Variants in TGFBR1 observed in about 807,000 individuals in gnomAD.
The protein encoded by TGFBR1 is TGF-beta receptor type-1.
A neutral mutation model predicts 55.1 loss-of-function variants in TGFBR1; 20 were observed. That is an observed-to-expected ratio of 0.36 (90% CI 0.26 to 0.53). TGFBR1 has a LOEUF of 0.53. TGFBR1 is among the 20% of genes least tolerant of loss of function. The pLI is 0.91. For synonymous variants in TGFBR1, 220 were observed against 214.8 expected (o/e 1.02, Z -0.21); for missense variants, 385 against 617.6 (o/e 0.62, Z 3.99).
chr9:99,150,761 A>G lies in TGFBR1; in HGVS notation c.*1456A>G, dbSNP rs769029753. ...GTGGTAGCTAAAGAACATTCTGAGT[A>G]TAGGTTTTTCTCCATTTACAGATGT... On this transcript the variant is annotated 3_prime_UTR_variant, in exon 9 of 9. Transcript: ENST00000374994. The G allele has an allele frequency of 2.8e-5, 6 of 215,460 alleles. No homozygotes were observed. The highest frequency in any genetic ancestry group is 1.2e-4 in the Admixed American group (2 of 17,182). The allele number at this position is 215,460 out of a possible 1,614,324, so 13.3% of individuals were successfully genotyped here.
intron 5 of TGFBR1, among the ~76,000 whole-genome samples, chr9:99,143,350 T>G (rs985262634): frequency 5.3e-5 from 8 of 152,238 alleles, no homozygotes; most frequent in Admixed American, 3.3e-4. Flanking sequence ...TTTGTAAACA[T>G]CAACATGCTA....
chr9:99,138,167 C>A, intron 4 of TGFBR1, 78 bp downstream of exon 4: 2 of 1,263,860 alleles, frequency 1.6e-6, no homozygotes, highest in Non-Finnish European at 2.3e-6. Flanking sequence ...GACTAACCAT[C>A]ATCAAAGTAG....
chr9:99,121,214 A>G (rs529458702), intron 1 of TGFBR1, among the ~76,000 whole-genome samples: 4 of 152,182 alleles, frequency 2.6e-5, no homozygotes, highest in Non-Finnish European at 5.9e-5. Flanking sequence ...GGAAAATTTT[A>G]TGTACATTAT....
chr9:99,117,636 C>T (rs1300796928), intron 1 of TGFBR1, among the ~76,000 whole-genome samples: 1 of 152,132 alleles, frequency 6.6e-6, no homozygotes, highest in Non-Finnish European at 1.5e-5. Context: ...CAATCACCTT[C>T]ATCATAAATC....
At chr9:99,122,329 T>G (rs1363466370) in intron 1 of TGFBR1, among the ~76,000 whole-genome samples, 1 of 152,136 alleles carries the variant, frequency 6.6e-6, no homozygotes, top group Non-Finnish European at 1.5e-5. Flanking sequence ...GTTCCATATA[T>G]TAATACTATA....
At chr9:99,138,892 G>GGTTCAAGTGGTTCTCCTGC (rs1457256632) in intron 4 of TGFBR1, among the ~76,000 whole-genome samples, 1 of 151,960 alleles carries the variant, frequency 6.6e-6, no homozygotes, top group Non-Finnish European at 1.5e-5. Flanking sequence ...CTGCCTCCTG[G>GGTTCAAGTGGTTCTCCTGC]GTTCAAGTGG....
At position 99,142,643 on chromosome 9, in the gene TGFBR1, C is replaced by T; in HGVS notation, c.913C>T (p.Leu305Phe). Residue 305 changes from leucine to phenylalanine, a missense_variant, in exon 5 of 9, where the codon CTT (leucine) becomes TTT (phenylalanine). This residue lies in a region of TGFBR1 where 85 missense variants were observed against 228.4 expected (regional missense o/e 0.37). Coordinates refer to ENST00000374994, the MANE Select transcript of TGFBR1 (RefSeq NM_004612.4). ...YTVTVEGMIK[L>F]ALSTASGLAH... ...AGTTACTGTGGAAGGAATGATAAAA[C>T]TTGCTCTGTCCACGGCGAGCGGTCT... 6.2e-7 allele frequency: 1 copy of T among 1,614,130 alleles called. No homozygotes were observed. Among genetic ancestry groups the T allele is most frequent in the Non-Finnish European group, 8.5e-7 (1 of 1,179,956 alleles).
At chr9:99,141,638 C>T (rs781332768) in intron 4 of TGFBR1, among the ~76,000 whole-genome samples, 1 of 152,192 alleles carries the variant, frequency 6.6e-6, no homozygotes, top group East Asian at 1.9e-4. Flanking sequence ...TGACTCTAAG[C>T]GTCCATCTTT....
Position 99,122,542 on chromosome 9 carries a change from C to G in TGFBR1, c.98-6313C>G, listed in dbSNP as rs905143445. Among the ~76,000 whole-genome samples, 10 of 152,096 alleles carry G rather than the reference C, an allele frequency of 6.6e-5. 1 individual carries two copies. The highest frequency in any genetic ancestry group is 6.6e-4 in the Admixed American group (10 of 15,264). On this transcript the variant is annotated intron_variant, in intron 1 of 8. Coordinates refer to ENST00000374994, the MANE Select transcript of TGFBR1 (RefSeq NM_004612.4). ...GGATATGTTACCCCGAGAGTTGTTA[C>G]CCCGATACTATAATACCATGAATAA...
At chr9:99,122,736 T>C (rs1294769298) in intron 1 of TGFBR1, among the ~76,000 whole-genome samples, 2 of 152,212 alleles carry the variant, frequency 1.3e-5, no homozygotes, top group Non-Finnish European at 2.9e-5. Context: ...TAATTTTCTG[T>C]GTACACAGTA....
Position 99,154,137 on chromosome 9 carries a change from T to C in TGFBR1, c.*4832T>C, listed in dbSNP as rs199959527. 1 of 227,170 alleles carries C rather than the reference T, an allele frequency of 4.4e-6. No homozygotes were observed. The highest frequency in any genetic ancestry group is 8.8e-6 in the Non-Finnish European group (1 of 114,186). The allele number at this position is 227,170 out of a possible 1,614,324, so 14.1% of individuals were successfully genotyped here. A position where few individuals can be genotyped will look rare whatever the true frequency, so the allele number is the denominator to read the frequency against. Reference sequence around the variant, plus strand: ...TTATAACAAAGACATCACCAGGATATGAAGCTTTTGTTGAAAGTTGGAAAA... The same window carrying C: ...TTATAACAAAGACATCACCAGGATACGAAGCTTTTGTTGAAAGTTGGAAAA... On this transcript the variant is annotated 3_prime_UTR_variant, in exon 9 of 9. Transcript: ENST00000374994.
intron 8 of TGFBR1, among the ~76,000 whole-genome samples, chr9:99,148,538 G>A (rs1193300834): frequency 2.0e-5 from 3 of 152,120 alleles, no homozygotes; most frequent in South Asian, 2.1e-4. Flanking sequence ...TTGATTTTAC[G>A]TCTTAAACTA....
rs7861780 is a variant in TGFBR1 at position 99,144,883 on chromosome 9, A to G, written c.1125A>G (p.Thr375=). 1.4e-5 allele frequency: 22 copies of G among 1,613,804 alleles called. No homozygotes were observed. Among genetic ancestry groups the G allele is most frequent in the Non-Finnish European group, 1.8e-5 (21 of 1,179,806 alleles). Residue 375 remains threonine, a synonymous_variant, in exon 6 of 9, where the codon ACA becomes ACG. Coordinates refer to ENST00000374994, the MANE Select transcript of TGFBR1 (RefSeq NM_004612.4). ...IDIAPNHRVG[T]KRYMAPEVLD... is the part of the protein sequence containing the mutation. ...TTGCTCCAAACCACAGAGTGGGAAC[A>G]AAAAGGTATACTTTTGAACAACTAT...
chr9:99,147,424 G>A (rs1249329306), intron 7 of TGFBR1, among the ~76,000 whole-genome samples: 1 of 152,138 alleles, frequency 6.6e-6, no homozygotes, highest in Non-Finnish European at 1.5e-5. Flanking sequence ...ATTTCAAATA[G>A]GCTTTATTGA....
upstream of TGFBR1, among the ~76,000 whole-genome samples, chr9:99,104,725 A>T (rs775770737): frequency 3.7e-4 from 57 of 152,140 alleles, no homozygotes; most frequent in Non-Finnish European, 4.1e-4. Flanking sequence ...CGCCTAGAGG[A>T]GGTTAGAAGA....
chr9:99,144,726 CT>C lies in TGFBR1; in HGVS notation c.974-3del, dbSNP rs1443971886. The C allele has an allele frequency of 3.1e-6, 5 of 1,613,440 alleles. No homozygotes were observed. The highest frequency in any genetic ancestry group is 4.2e-6 in the Non-Finnish European group (5 of 1,179,732). ...AAGCAGTCATGTTTAATTTTTGATT[CT>C]TTAGGAAAGCCAGCCATTGCTCATA... On this transcript the variant is annotated splice_region_variant and splice_polypyrimidine_tract_variant and intron_variant, in intron 5 of 8. Coordinates refer to ENST00000374994, the MANE Select transcript of TGFBR1 (RefSeq NM_004612.4).
chr9:99,152,681 A>G lies in TGFBR1; in HGVS notation c.*3376A>G, dbSNP rs201896896. On this transcript the variant is annotated 3_prime_UTR_variant, in exon 9 of 9. Coordinates refer to ENST00000374994, the MANE Select transcript of TGFBR1 (RefSeq NM_004612.4). ...CTTGCACTGGAAGAATCGTAAGTCAACTGTTTCTTGACCATGGCAGTGTTC... is the reference window on the plus strand; with the variant it reads ...CTTGCACTGGAAGAATCGTAAGTCAGCTGTTTCTTGACCATGGCAGTGTTC... The G allele has an allele frequency of 1.3e-5, 3 of 226,708 alleles. No homozygotes were observed. Among genetic ancestry groups the G allele is most frequent in the South Asian group, 1.8e-4 (1 of 5,472 alleles). The allele number at this position is 226,708 out of a possible 1,614,324, so 14.0% of individuals were successfully genotyped here.
At chr9:99,104,807 C>A (rs1233720729), upstream of TGFBR1, among the ~76,000 whole-genome samples, 2 of 152,212 alleles carry the variant, frequency 1.3e-5, no homozygotes, top group African/African-American at 4.8e-5. Flanking sequence ...TCTACCCGGC[C>A]CTCCGGGGCT....
At chr9:99,104,153 TAG>T (rs1356049105), upstream of TGFBR1, 1 of 152,094 alleles carries the variant, frequency 6.6e-6, no homozygotes, top group Non-Finnish European at 1.5e-5. Flanking sequence ...AATGAAAACG[TAG>T]AGTTTATTTG....
Sources: allele counts gnomAD v4.1 joint callset (sites outside exome capture counted in the v4.1 genomes callset), GRCh38; gene constraint gnomAD v4.1.1; regional missense constraint gnomAD v4.1.1; transcripts MANE v1.5; gene names NCBI Gene and HGNC (gene_info 2026-07-23, HGNC 2026-07-21).